Variants in ERBIN observed in about 807,000 individuals in gnomAD.
The protein encoded by ERBIN is densin-180-like protein.
A neutral mutation model predicts 158.4 loss-of-function variants in ERBIN; 60 were observed. The ratio of observed to expected loss-of-function variants is 0.38; its 90% CI spans 0.31 to 0.47. The LOEUF is 0.47. Ranked by LOEUF, ERBIN falls within the 20% of genes least tolerant of loss-of-function variation. The probability of loss-of-function intolerance (pLI) is 0.99; values close to 1 mark genes in which losing one functional copy is unlikely to be tolerated. For synonymous variants in ERBIN, 594 were observed against 557.2 expected, an observed-to-expected ratio of 1.07 and a Z score of -0.93; for missense variants, 1,610 against 1,648.0, an observed-to-expected ratio of 0.98 and a Z score of 0.40.
chr5:66,054,060 G>C lies in ERBIN; in HGVS notation c.2742G>C (p.Lys914Asn). ...AVDGKNIVRS[K>N]SATLLYDQPL... ...ATGGAAAAAATATAGTCAGGAGCAA[G>C]TCTGCCACACTGTTGTATGATCAAC... Residue 914 changes from lysine to asparagine, a missense_variant, in exon 21 of 26, where the codon AAG becomes AAC. Transcript: ENST00000284037. 6.2e-7 allele frequency: 1 copy of C among 1,614,154 alleles called. No homozygotes were observed. Among genetic ancestry groups the C allele is most frequent in the Middle Eastern group, 1.7e-4 (1 of 6,060 alleles).
chr5:66,054,633 A>G lies in ERBIN; in HGVS notation c.3315A>G (p.Leu1105=). 6.2e-7 allele frequency: 1 copy of G among 1,614,168 alleles called. No homozygotes were observed. Among genetic ancestry groups the G allele is most frequent in the Non-Finnish European group, 8.5e-7 (1 of 1,180,012 alleles). ...CTCAGATTCCTGAAGGAGATTATTT[A>G]TCATACAGAGAGTTCCACTCAGCGG... ...RRAQIPEGDY[L]SYREFHSAGR... Residue 1105 remains leucine (L), a synonymous_variant, in exon 21 of 26, where the codon TTA becomes TTG. Coordinates refer to ENST00000284037, the MANE Select transcript of ERBIN (RefSeq NM_001253697.2).
chr5:66,005,094 A>G (rs1753449448), intron 4 of ERBIN, among the ~76,000 whole-genome samples: 1 of 152,196 alleles, frequency 6.6e-6, no homozygotes, highest in Non-Finnish European at 1.5e-5. Context: ...ATATATATAT[A>G]TAGACAGGAA....
intron 4 of ERBIN, among the ~76,000 whole-genome samples, chr5:65,999,151 C>G (rs769552787): frequency 9.2e-5 from 14 of 152,138 alleles, no homozygotes; most frequent in South Asian, 2.1e-4. Context: ...AGCAGATTAC[C>G]TGAGGTCAGG....
intron 1 of ERBIN, among the ~76,000 whole-genome samples, chr5:65,982,849 T>C (rs2151020295): frequency 6.6e-6 from 1 of 152,332 alleles, no homozygotes; most frequent in South Asian, 2.1e-4. Flanking sequence ...AAGCATGTGT[T>C]CTTATAACGC....
chr5:65,999,314 C>T (rs1233229720), intron 4 of ERBIN, among the ~76,000 whole-genome samples: 5 of 152,040 alleles, frequency 3.3e-5, no homozygotes, highest in African/African-American at 9.7e-5. Context: ...GGCAGTGAGC[C>T]GAGATTGTGC....
intron 1 of ERBIN, among the ~76,000 whole-genome samples, chr5:65,933,146 G>A (rs913067970): frequency 1.4e-4 from 21 of 152,156 alleles, no homozygotes; most frequent in African/African-American, 4.8e-4. Context: ...TAATCTCTGA[G>A]ATGTTCTTTT....
intron 1 of ERBIN, among the ~76,000 whole-genome samples, chr5:65,957,604 A>C (rs1027084672): frequency 3.3e-5 from 5 of 152,204 alleles, no homozygotes; most frequent in Non-Finnish European, 7.3e-5. Context: ...GGAGTCTCCC[A>C]TGTCTACTTC....
At chr5:65,944,010 G>C (rs1315488053) in intron 1 of ERBIN, among the ~76,000 whole-genome samples, 2 of 152,084 alleles carry the variant, frequency 1.3e-5, no homozygotes, top group East Asian at 1.9e-4. Context: ...ATACTCCATT[G>C]TATGTATATA....
chr5:66,069,657 G>GT (rs1358041069), intron 21 of ERBIN, among the ~76,000 whole-genome samples: 1 of 152,194 alleles, frequency 6.6e-6, no homozygotes, highest in African/African-American at 2.4e-5. Context: ...GCATGGCCCT[G>GT]TTTTAAGATT....
At chr5:66,034,912 A>G (rs1580419508) in intron 14 of ERBIN, among the ~76,000 whole-genome samples, 2 of 152,252 alleles carry the variant, frequency 1.3e-5, no homozygotes, top group Admixed American at 1.3e-4. Context: ...GTGTGGTACA[A>G]AAGGGGAGTC....
chr5:65,997,963 C>G lies in ERBIN; in HGVS notation c.307+3099C>G, dbSNP rs545845648. Among the ~76,000 whole-genome samples, 8 of 152,092 alleles carry G rather than the reference C, an allele frequency of 5.3e-5. No homozygotes were observed. The South Asian group carries it at 1.4e-3, about 28-fold the overall frequency. ...ACACACACACAAAGTTATGTTGGCT[C>G]ACGCCTGTAATCTCAGCACTTTGGG... On this transcript the variant is annotated intron_variant, in intron 4 of 25. Transcript: ENST00000284037.
intron 1 of ERBIN, among the ~76,000 whole-genome samples, chr5:65,945,684 T>C (rs73762520): frequency 0.04 from 6,103 of 152,298 alleles, 412 homozygotes; most frequent in African/African-American, 0.14. Flanking sequence ...TTTTAGTTGC[T>C]TTAGCTAATT....
At chr5:66,021,576 A>T (rs1755692044) in intron 8 of ERBIN, among the ~76,000 whole-genome samples, 191 bp downstream of exon 8, 1 of 152,128 alleles carries the variant, frequency 6.6e-6, no homozygotes. Context: ...ACTTCTGACC[A>T]CAAGTGAGCA....
At position 66,047,832 on chromosome 5, in the gene ERBIN, T is replaced by C. The variant is rs537160344; in HGVS notation, c.1789-835T>C. Among the ~76,000 whole-genome samples the C allele has an allele frequency of 5.3e-5, 8 of 152,174 alleles. No individual in the cohort carries two copies. The South Asian group carries it at 1.4e-3, about 28-fold the overall frequency. On this transcript the variant is annotated intron_variant, in intron 18 of 25. Coordinates refer to ENST00000284037, the MANE Select transcript of ERBIN (RefSeq NM_001253697.2). Reference sequence around the variant, plus strand: ...TATTAGGTTTGTTACAGTGAACTTATGACTCATTTAGTGTAATTTCTATGT... The same window carrying C: ...TATTAGGTTTGTTACAGTGAACTTACGACTCATTTAGTGTAATTTCTATGT...
At chr5:66,019,595 A>C (rs1755472255) in intron 7 of ERBIN, among the ~76,000 whole-genome samples, 1 of 152,180 alleles carries the variant, frequency 6.6e-6, no homozygotes, top group Non-Finnish European at 1.5e-5. Flanking sequence ...CACAGTTGTC[A>C]GTATTAACTA....
Position 65,982,382 on chromosome 5 carries a change from C to T in ERBIN, c.-57-6253C>T, listed in dbSNP as rs142048902. On this transcript the variant is annotated intron_variant, in intron 1 of 25. Transcript: ENST00000284037. ...GTTATTATCCTAGAATGTCTTTATA[C>T]AAACACCTTATGTAAATGACATTGC... Among the ~76,000 whole-genome samples, 275 of 152,300 alleles carry T rather than the reference C, an allele frequency of 1.8e-3. 1 individual carries two copies. Among genetic ancestry groups the T allele is most frequent in the Non-Finnish European group, 2.5e-3 (172 of 68,014 alleles).
intron 7 of ERBIN, among the ~76,000 whole-genome samples, chr5:66,016,991 A>C (rs1236145414): frequency 6.6e-6 from 1 of 151,866 alleles, no homozygotes. Flanking sequence ...TATTTCACTT[A>C]ATGTAATGAC....
intron 4 of ERBIN, among the ~76,000 whole-genome samples, chr5:65,998,825 G>T (rs1293543692): frequency 6.9e-6 from 1 of 144,930 alleles, no homozygotes. Context: ...AGCCTGGGAA[G>T]TCAAGGCTGC....
In ERBIN at chr5:66,078,998, G is replaced by A. The variant is rs1447143261; in HGVS notation, c.*468G>A. ...TTTTGATGTGGGCAAGAGATTTGAA[G>A]TGTTGGCTTTTGCTATGTGCATATT... On this transcript the variant is annotated 3_prime_UTR_variant, in exon 26 of 26. Transcript: ENST00000284037. 6.3e-6 allele frequency: 1 copy of A among 158,704 alleles called. No individual in the cohort carries two copies. Among genetic ancestry groups the A allele is most frequent in the African/African-American group, 2.4e-5 (1 of 41,476 alleles). 9.8% of individuals were successfully genotyped at this position (158,704 alleles called of 1,614,324 possible).
Sources: allele counts gnomAD v4.1 joint callset (sites outside exome capture counted in the v4.1 genomes callset), GRCh38; gene constraint gnomAD v4.1.1; transcripts MANE v1.5; gene names NCBI Gene and HGNC (gene_info 2026-07-23, HGNC 2026-07-21).